The following PDXDC1 variants were observed in gnomAD, a reference collection of about 807,000 sequenced individuals.
The protein encoded by PDXDC1 is pyridoxal dependent decarboxylase domain containing 1.
PDXDC1 carries 42 observed loss-of-function variants against 100.1 expected under a neutral mutation model. That is an observed-to-expected ratio of 0.42 (90% CI 0.33 to 0.54). PDXDC1 has a LOEUF of 0.54. Among genes scored for constraint, PDXDC1 ranks in the 20% least tolerant of loss-of-function variants. PDXDC1 has a pLI of 0.10. For missense variants in PDXDC1, 636 were observed against 979.2 expected (o/e 0.65, Z 4.68); for synonymous variants, 260 against 371.7 (o/e 0.70, Z 3.46).
chr16:15,017,447 G>T lies in PDXDC1; in HGVS notation c.963+25G>T, dbSNP rs561778265. On this transcript the variant is annotated intron_variant, in intron 11 of 22. Transcript: ENST00000396410. ...GGTAAGTTTCCACTCACTGGGGAGGGAGTGGGTGTGGCTAATACACATTAT... is the reference window on the plus strand; with the variant it reads ...GGTAAGTTTCCACTCACTGGGGAGGTAGTGGGTGTGGCTAATACACATTAT... 4.9e-4 allele frequency: 790 copies of T among 1,604,870 alleles called. 10 individuals carry two copies. In the South Asian group the frequency reaches 8.4e-3, roughly 17 times the overall value.
chr16:14,984,480 T>C (rs1203118896), intron 1 of PDXDC1, among the ~76,000 whole-genome samples: 3 of 86,490 alleles, frequency 3.5e-5, no homozygotes, highest in African/African-American at 1.2e-4. Flanking sequence ...TGTATACATA[T>C]ATATATATAT....
At chr16:15,145,889 G>A in the PDXDC1 span, among the ~76,000 whole-genome samples, 1 of 152,228 alleles carries the variant, frequency 6.6e-6, no homozygotes, top group Non-Finnish European at 1.5e-5. Flanking sequence ...TGGCGGGCTG[G>A]GCTGCCGTGG....
chr16:15,083,382 G>A, intron 16 of PDXDC1: 1 of 1,405,512 alleles, frequency 7.1e-7, no homozygotes, highest in Non-Finnish European at 9.6e-7. Flanking sequence ...TTGGGCGACA[G>A]AGTGAGACTC....
intron 16 of PDXDC1, among the ~76,000 whole-genome samples, chr16:15,096,561 C>T (rs1379428830): frequency 1.3e-5 from 2 of 152,170 alleles, no homozygotes; most frequent in Admixed American, 6.6e-5. Context: ...ATAATTGCAC[C>T]GTAGCTCACA....
At chr16:15,123,834 CAAT>C (rs1248996656) in intron 16 of PDXDC1, among the ~76,000 whole-genome samples, 1 of 130,280 alleles carries the variant, frequency 7.7e-6, no homozygotes, top group East Asian at 2.2e-4. Context: ...CCTTTCAACT[CAAT>C]GATGAGATCA....
intron 16 of PDXDC1, among the ~76,000 whole-genome samples, chr16:15,092,048 G>C (rs1337835579): frequency 6.6e-6 from 1 of 152,146 alleles, no homozygotes; most frequent in Non-Finnish European, 1.5e-5. Context: ...GTGTGGTGGT[G>C]TGTGCCTGTA....
intron 8 of PDXDC1, among the ~76,000 whole-genome samples, chr16:15,011,581 G>A (rs182215568): frequency 2.0e-5 from 3 of 150,752 alleles, no homozygotes; most frequent in East Asian, 2.0e-4. Context: ...CTATTAAGAA[G>A]ATGAAAGGCA....
intron 16 of PDXDC1, among the ~76,000 whole-genome samples, chr16:15,109,905 G>C (rs1201851149): frequency 7.1e-6 from 1 of 141,246 alleles, no homozygotes; most frequent in Non-Finnish European, 1.6e-5. Context: ...TCTAATCCCA[G>C]CACTTTGGGA....
chr16:15,126,702 G>C (rs1483368781), intron 16 of PDXDC1: 1 of 110,024 alleles, frequency 9.1e-6, no homozygotes, highest in Non-Finnish European at 2.0e-5. Flanking sequence ...CGTTGCCCAG[G>C]CTGGAGTGCA....
intron 1 of PDXDC1, chr16:14,989,977 G>A: frequency 6.8e-7 from 1 of 1,460,094 alleles, no homozygotes; most frequent in Non-Finnish European, 9.0e-7. Context: ...CAGGCAGACG[G>A]CTCGGTGGCG....
the PDXDC1 span, among the ~76,000 whole-genome samples, chr16:15,145,594 G>T: frequency 3.3e-5 from 5 of 152,270 alleles, no homozygotes. Flanking sequence ...GGAGCTGCAG[G>T]GAGAAAAGGA....
chr16:15,063,329 A>C lies in PDXDC1; in HGVS notation c.1399+33273A>C, dbSNP rs750460002. The stretch of plus-strand genomic sequence containing the variant: ...TCAAAGTCAAGTTAAATACTTCGGC[A>C]GAAGTCAAAATTGGTTTGGATCTTT... On this transcript the variant is annotated intron_variant, in intron 16 of 16. Transcript: ENST00000535621. The C allele has an allele frequency of 2.8e-6, 4 of 1,430,598 alleles. No individual in the cohort carries two copies. In the African/African-American group the frequency reaches 4.2e-5, roughly 15 times the overall value. The allele number at this position is 1,430,598 out of a possible 1,614,324, so 88.6% of individuals were successfully genotyped here. A position where few individuals can be genotyped will look rare whatever the true frequency, so the allele number is the denominator to read the frequency against.
chr16:15,086,425 T>C, intron 16 of PDXDC1: 1 of 1,613,584 alleles, frequency 6.2e-7, no homozygotes. Flanking sequence ...AAGAACGGAA[T>C]TCTAGCAGCC....
chr16:15,143,944 C>T (rs1291126246), downstream of PDXDC1, among the ~76,000 whole-genome samples: 1 of 152,164 alleles, frequency 6.6e-6, no homozygotes, highest in Non-Finnish European at 1.5e-5. Context: ...GCACCCCTGC[C>T]CGCGCTGGCC....
intron 16 of PDXDC1, chr16:15,074,649 A>G (rs2045374443): frequency 9.1e-7 from 1 of 1,096,190 alleles, no homozygotes; most frequent in East Asian, 2.6e-5. Flanking sequence ...TACTAGAGAT[A>G]ATGGATGGAA....
intron 16 of PDXDC1, among the ~76,000 whole-genome samples, chr16:15,081,915 C>G (rs1326630164): frequency 6.6e-6 from 1 of 152,110 alleles, no homozygotes; most frequent in East Asian, 1.9e-4. Context: ...AATGACTATT[C>G]TCCCCTATTC....
At chr16:15,062,657 A>C (rs1055502885) in intron 16 of PDXDC1, among the ~76,000 whole-genome samples, 1 of 152,246 alleles carries the variant, frequency 6.6e-6, no homozygotes, top group Non-Finnish European at 1.5e-5. Context: ...AACATGAGTC[A>C]ACTGGAGATT....
At chr16:15,132,887 G>A in intron 16 of PDXDC1, 1 of 1,592,622 alleles carries the variant, frequency 6.3e-7, no homozygotes, top group African/African-American at 1.3e-5. Context: ...GGGCAGGCAG[G>A]CGGCACAGCA....
At chr16:15,076,788 A>G (rs1383764207) in intron 16 of PDXDC1, 3 of 642,102 alleles carry the variant, frequency 4.7e-6, no homozygotes, top group Non-Finnish European at 8.4e-6. Flanking sequence ...AACACAATAC[A>G]CAATTATGGT....
Sources: gnomAD v4.1 joint callset for allele counts (sites outside exome capture counted in the v4.1 genomes callset) on GRCh38, gnomAD v4.1.1 for gene constraint, MANE v1.5 for transcripts, NCBI Gene and HGNC (gene_info 2026-07-23, HGNC 2026-07-21) for gene names.